The following TNIK variants were observed in gnomAD, a reference collection of about 807,000 sequenced individuals.
TNIK encodes TRAF2 and NCK interacting kinase, also known as TRAF2 and NCK-interacting protein kinase.
Under a neutral mutation model 191.3 loss-of-function variants are expected in TNIK, and 49 were observed. The ratio of observed to expected loss-of-function variants is 0.26; its 90% confidence interval spans 0.20 to 0.32. The LOEUF (loss-of-function observed/expected upper bound fraction) is 0.32. TNIK is among the 10% of genes least tolerant of loss of function. The pLI is 1.00. For missense variants in TNIK, 1,155 were observed against 1,702.3 expected (o/e 0.68, Z 5.66); for synonymous variants, 594 against 600.9 (o/e 0.99, Z 0.17).
chr3:171,084,306 A>C lies in TNIK; in HGVS notation c.3018T>G (p.Leu1006=). The change falls in exon 26 of 33, where the codon CTT becomes CTG. Residue 1006 remains leucine, a synonymous_variant. Transcript: ENST00000436636. ...SSAAALFTSE[L]LRQEQAKLNE... ...TGAGTTTGGCCTGTTCTTGCCTAAG[A>C]AGTTCGCTAGTAAACAGAGCTTTGA... is the stretch of plus-strand genomic sequence containing the variant. 6.2e-7 allele frequency: 1 copy of C among 1,613,470 alleles called. No homozygotes were observed. Among genetic ancestry groups the C allele is most frequent in the South Asian group, 1.1e-5 (1 of 90,996 alleles).
intron 5 of TNIK, among the ~76,000 whole-genome samples, chr3:171,191,256 T>C (rs545116757): frequency 4.6e-4 from 70 of 152,352 alleles, no homozygotes; most frequent in African/African-American, 1.4e-3. Flanking sequence ...CATTGAATGA[T>C]TGATTGACTG....
At chr3:171,081,133 GAC>G (rs536425379) in intron 27 of TNIK, among the ~76,000 whole-genome samples, 31 of 152,188 alleles carry the variant, frequency 2.0e-4, no homozygotes, top group Non-Finnish European at 3.2e-4. Flanking sequence ...TAGCAATCAG[GAC>G]AGCAATTAAC....
intron 1 of TNIK, among the ~76,000 whole-genome samples, chr3:171,409,626 C>A (rs1227101032): frequency 6.6e-6 from 1 of 151,666 alleles, no homozygotes; most frequent in Admixed American, 6.6e-5. Flanking sequence ...TCTATAACCC[C>A]CATTACCTGT....
chr3:171,061,834 AG>A lies in TNIK; in HGVS notation c.*2046del, dbSNP rs1198028178. On this transcript the variant is annotated 3_prime_UTR_variant, in exon 33 of 33. Transcript: ENST00000436636. ...GGAATTTGAGAAGATAGTATTGTTCAGCAGCACAACCACAGCAGTAAAAATG... is the reference window on the plus strand; with the variant it reads ...GGAATTTGAGAAGATAGTATTGTTCACAGCACAACCACAGCAGTAAAAATG... The A allele has an allele frequency of 2.0e-5, 3 of 152,242 alleles. No individual in the cohort carries two copies. The highest frequency in any genetic ancestry group is 4.4e-5 in the Non-Finnish European group (3 of 68,040). 9.4% of individuals were successfully genotyped at this position (152,242 alleles called of 1,614,324 possible).
Position 171,175,319 on chromosome 3 carries a change from T to C in TNIK, c.706A>G (p.Met236Val). 1 of 1,610,440 alleles carries C rather than the reference T, an allele frequency of 6.2e-7. No homozygotes were observed. The highest frequency in any genetic ancestry group is 8.5e-7 in the Non-Finnish European group (1 of 1,178,600). Residue 236 changes from methionine to valine, a missense_variant, in exon 9 of 33, where the codon ATG becomes GTG. Met to Val is a conservative substitution (Grantham distance 21, BLOSUM62 1). Transcript: ENST00000436636. The stretch of plus-strand genomic sequence containing the variant: ...AGGAAGAGAGCTCTCATGGGGTGCA[T>C]GTCACAGAGAGCTGCAAGAGACCAA... ...MAEGAPPLCD[M>V]HPMRALFLIP... is the part of the protein sequence containing the mutation.
chr3:171,261,825 G>A (rs1201843807), intron 2 of TNIK, among the ~76,000 whole-genome samples: 1 of 152,120 alleles, frequency 6.6e-6, no homozygotes, highest in African/African-American at 2.4e-5. Flanking sequence ...GTGTTATTCA[G>A]AGAATCAAAC....
chr3:171,423,871 A>G (rs1422291036), intron 1 of TNIK, among the ~76,000 whole-genome samples: 1 of 152,268 alleles, frequency 6.6e-6, no homozygotes, highest in Non-Finnish European at 1.5e-5. Flanking sequence ...ACCGAAAACC[A>G]TAAAAACCCT....
intron 1 of TNIK, among the ~76,000 whole-genome samples, chr3:171,459,538 A>T (rs981199424): frequency 6.6e-6 from 1 of 152,136 alleles, no homozygotes; most frequent in Non-Finnish European, 1.5e-5. Context: ...CTTCGCGGGG[A>T]CAGCCAGCCT....
At chr3:171,267,744 T>TGCC (rs1688990944) in intron 2 of TNIK, among the ~76,000 whole-genome samples, 1 of 152,190 alleles carries the variant, frequency 6.6e-6, no homozygotes, top group Admixed American at 6.5e-5. Flanking sequence ...AAAGGCAACT[T>TGCC]TTTACCTAAC....
intron 2 of TNIK, among the ~76,000 whole-genome samples, chr3:171,325,899 T>C (rs1755698986): frequency 6.6e-6 from 1 of 152,200 alleles, no homozygotes; most frequent in Admixed American, 6.5e-5. Context: ...TCAGGGACTT[T>C]TGTCAGAAAA....
At chr3:171,271,744 A>G (rs1008596212) in intron 2 of TNIK, among the ~76,000 whole-genome samples, 1 of 152,246 alleles carries the variant, frequency 6.6e-6, no homozygotes, top group Admixed American at 6.5e-5. Context: ...TGCCTAGAAC[A>G]GTGTGCTACA....
At chr3:171,105,900 C>T (rs1216658380) in intron 21 of TNIK, among the ~76,000 whole-genome samples, 4 of 152,110 alleles carry the variant, frequency 2.6e-5, no homozygotes, top group African/African-American at 9.7e-5. Flanking sequence ...TGTGATAATC[C>T]CTGCCCTTCT....
At position 171,409,929 on chromosome 3, in the gene TNIK, G is replaced by C. The variant is rs191351379; in HGVS notation, c.58-40244C>G. Among the ~76,000 whole-genome samples the C allele has an allele frequency of 1.2e-3, 181 of 151,634 alleles. No homozygotes were observed. In the Middle Eastern group the frequency reaches 0.027, roughly 23 times the overall value. On this transcript the variant is annotated intron_variant, in intron 1 of 32. Transcript: ENST00000436636. ...TTGTAGGCTTTTCCTACCTATCCCA[G>C]TGTTTCTTCTGGCCTATGCAACACT...
At chr3:171,123,571 T>C (rs764127546) in intron 18 of TNIK, 25 bp downstream of exon 18, 2 of 1,509,970 alleles carry the variant, frequency 1.3e-6, no homozygotes, top group Non-Finnish European at 1.8e-6. Context: ...TTTCTTCTTT[T>C]ACCATAACCA....
At chr3:171,239,510 A>G (rs1222699793) in intron 2 of TNIK, among the ~76,000 whole-genome samples, 1 of 152,254 alleles carries the variant, frequency 6.6e-6, no homozygotes, top group African/African-American at 2.4e-5. Context: ...AATAACATCC[A>G]AATATAGACT....
At chr3:171,154,337 C>G (rs1732887251) in intron 12 of TNIK, among the ~76,000 whole-genome samples, 1 of 151,248 alleles carries the variant, frequency 6.6e-6, no homozygotes, top group African/African-American at 2.4e-5. Context: ...ATTTTTATAA[C>G]TGGACAATGT....
intron 19 of TNIK, 53 bp from the exon 20 acceptor site, chr3:171,108,215 G>A: frequency 7.2e-7 from 1 of 1,397,084 alleles, no homozygotes; most frequent in African/African-American, 1.4e-5. Context: ...AAAAGTGCTG[G>A]CTCAAGTTCT....
At chr3:171,456,872 C>G (rs527864631) in intron 1 of TNIK, among the ~76,000 whole-genome samples, 1 of 152,298 alleles carries the variant, frequency 6.6e-6, no homozygotes, top group South Asian at 2.1e-4. Context: ...GAGAAAAGAG[C>G]ACTGAATGAG....
At chr3:171,375,526 T>C (rs1717093953) in intron 1 of TNIK, among the ~76,000 whole-genome samples, 1 of 151,712 alleles carries the variant, frequency 6.6e-6, no homozygotes, top group Non-Finnish European at 1.5e-5. Context: ...ATAAATACTC[T>C]TTCTTTCAGC....
Sources: allele counts gnomAD v4.1 joint callset (sites outside exome capture counted in the v4.1 genomes callset), GRCh38; gene constraint gnomAD v4.1.1; transcripts MANE v1.5; gene names NCBI Gene and HGNC (gene_info 2026-07-23, HGNC 2026-07-21).